The following SORCS1 variants were observed in gnomAD, a reference collection of about 807,000 sequenced individuals.
The protein encoded by SORCS1 is sortilin related VPS10 domain containing receptor 1, also known as VPS10 domain-containing receptor SorCS1.
Under a neutral mutation model 146.1 loss-of-function variants are expected in SORCS1, and 60 were observed. The ratio of observed to expected loss-of-function variants is 0.41; its 90% confidence interval spans 0.33 to 0.51. SORCS1 has a LOEUF of 0.51. Among genes scored for constraint, SORCS1 ranks in the 20% least tolerant of loss-of-function variants. The probability of loss-of-function intolerance (pLI) is 0.21; values close to 1 mark genes in which losing one functional copy is unlikely to be tolerated. For missense variants in SORCS1, 1,352 were observed against 1,487.6 expected (o/e 0.91, Z 1.50); for synonymous variants, 637 against 584.0 (o/e 1.09, Z -1.31).
At chr10:106,894,237 ATGTGTGTG>A (rs142672801) in intron 2 of SORCS1, among the ~76,000 whole-genome samples, 2 of 140,804 alleles carry the variant, frequency 1.4e-5, no homozygotes, top group Non-Finnish European at 3.1e-5. Context: ...GCATGTGTGC[ATGTGTGTG>A]TGTGTGTGCG....
intron 1 of SORCS1, among the ~76,000 whole-genome samples, chr10:107,041,472 G>A (rs1959149910): frequency 6.6e-6 from 1 of 152,048 alleles, no homozygotes; most frequent in African/African-American, 2.4e-5. Flanking sequence ...AGGATCCAAG[G>A]GGGCCTGAAG....
chr10:106,803,594 C>T (rs1947018699), intron 3 of SORCS1, among the ~76,000 whole-genome samples: 2 of 152,138 alleles, frequency 1.3e-5, no homozygotes, highest in Admixed American at 6.5e-5. Context: ...TCTCTCCAAC[C>T]TCTATCAGCT....
intron 1 of SORCS1, among the ~76,000 whole-genome samples, chr10:107,012,107 G>GT (rs1474213309): frequency 1.3e-5 from 2 of 151,712 alleles, no homozygotes; most frequent in Admixed American, 6.6e-5. Flanking sequence ...ATTTTTTTTC[G>GT]TGAGTTCCTC....
At chr10:106,923,662 A>G (rs11193105) in intron 2 of SORCS1, among the ~76,000 whole-genome samples, 48,150 of 152,126 alleles carry the variant, frequency 0.32, 7,918 homozygotes, top group Middle Eastern at 0.4. Flanking sequence ...AGCCATCCTA[A>G]TAAGTGTTAG....
intron 16 of SORCS1, among the ~76,000 whole-genome samples, chr10:106,668,848 T>C (rs937776157): frequency 2.6e-5 from 4 of 152,088 alleles, no homozygotes; most frequent in Non-Finnish European, 4.4e-5. Flanking sequence ...GGCAAGGTCA[T>C]TTGGGGGACT....
At chr10:106,580,646 T>C (rs1260522262) in intron 24 of SORCS1, among the ~76,000 whole-genome samples, 2 of 152,270 alleles carry the variant, frequency 1.3e-5, no homozygotes, top group Admixed American at 6.5e-5. Flanking sequence ...TTTTCTCTGG[T>C]GTGAGCCGAG....
chr10:107,049,558 T>C (rs1959911841), intron 1 of SORCS1, among the ~76,000 whole-genome samples: 1 of 152,174 alleles, frequency 6.6e-6, no homozygotes, highest in South Asian at 2.1e-4. Flanking sequence ...TCTTCATTGT[T>C]ACATTTCTAT....
At chr10:106,928,440 C>T (rs1035831114) in intron 2 of SORCS1, among the ~76,000 whole-genome samples, 2 of 152,242 alleles carry the variant, frequency 1.3e-5, no homozygotes, top group Non-Finnish European at 2.9e-5. Flanking sequence ...GGCCCGCAAG[C>T]GCCGAGCACA....
intron 6 of SORCS1, among the ~76,000 whole-genome samples, chr10:106,714,768 G>C (rs1355637049): frequency 1.3e-5 from 2 of 152,256 alleles, no homozygotes; most frequent in East Asian, 3.9e-4. Context: ...TTCTACAGCC[G>C]GGCAAGTAGG....
chr10:107,001,972 G>A (rs1367247020), intron 1 of SORCS1, among the ~76,000 whole-genome samples: 2 of 152,102 alleles, frequency 1.3e-5, no homozygotes, highest in Admixed American at 1.3e-4. Flanking sequence ...TTTCCTTTGG[G>A]TTCTTACAGT....
intron 1 of SORCS1, among the ~76,000 whole-genome samples, chr10:107,109,052 C>G (rs753263068): frequency 6.6e-6 from 1 of 152,234 alleles, no homozygotes; most frequent in Non-Finnish European, 1.5e-5. Context: ...CAGCTCTACC[C>G]TTGTGGCTTT....
intron 5 of SORCS1, among the ~76,000 whole-genome samples, chr10:106,759,087 G>T (rs1463397420): frequency 6.6e-6 from 1 of 152,130 alleles, no homozygotes; most frequent in Non-Finnish European, 1.5e-5. Flanking sequence ...ACTCCCACAG[G>T]GGTTTTAGGG....
chr10:106,870,475 G>C (rs892157800), intron 2 of SORCS1, among the ~76,000 whole-genome samples: 1 of 152,004 alleles, frequency 6.6e-6, no homozygotes, highest in African/African-American at 2.4e-5. Context: ...GTGTGGTACT[G>C]GTACAAAAAC....
chr10:107,128,020 T>C (rs997025112), intron 1 of SORCS1, among the ~76,000 whole-genome samples: 1 of 152,222 alleles, frequency 6.6e-6, no homozygotes, highest in Non-Finnish European at 1.5e-5. Context: ...AAAATAGCTA[T>C]GAAAGGGACT....
intron 2 of SORCS1, among the ~76,000 whole-genome samples, chr10:106,929,499 T>C (rs1244579550): frequency 2.6e-5 from 4 of 152,054 alleles, no homozygotes; most frequent in Non-Finnish European, 4.4e-5. Flanking sequence ...AGAAAAGCCC[T>C]GTCTCTTTTC....
intron 2 of SORCS1, among the ~76,000 whole-genome samples, chr10:106,867,519 G>T (rs533826428): frequency 1.3e-5 from 2 of 151,980 alleles, no homozygotes; most frequent in Non-Finnish European, 2.9e-5. Flanking sequence ...TCCTGACCTC[G>T]TGATCCGCCC....
At chr10:106,836,618 A>AT (rs954740835) in intron 2 of SORCS1, among the ~76,000 whole-genome samples, 2 of 152,144 alleles carry the variant, frequency 1.3e-5, no homozygotes, top group African/African-American at 2.4e-5. Context: ...CTAGTTGAGC[A>AT]TTTTTTGGTA....
chr10:106,916,751 T>G (rs1403491439), intron 2 of SORCS1, among the ~76,000 whole-genome samples: 1 of 151,786 alleles, frequency 6.6e-6, no homozygotes, highest in Non-Finnish European at 1.5e-5. Context: ...ACTTTCCAAT[T>G]TTTCTTTTAT....
At chr10:107,151,463 T>C (rs916606173) in intron 1 of SORCS1, among the ~76,000 whole-genome samples, 3 of 151,920 alleles carry the variant, frequency 2.0e-5, no homozygotes, top group Admixed American at 6.6e-5. Context: ...CTCAGAATGA[T>C]GGTGGGAGGT....
Sources: allele counts gnomAD v4.1 joint callset (sites outside exome capture counted in the v4.1 genomes callset), GRCh38; gene constraint gnomAD v4.1.1; transcripts MANE v1.5; gene names NCBI Gene and HGNC (gene_info 2026-07-23, HGNC 2026-07-21).